The following LAMA5 variants were observed in gnomAD, a reference collection of about 807,000 sequenced individuals.
LAMA5 encodes the protein laminin subunit alpha 5.
LAMA5 carries 260 observed loss-of-function variants against 433.4 expected under a neutral mutation model. The ratio of observed to expected loss-of-function variants is 0.60; its 90% CI spans 0.54 to 0.66. The LOEUF (loss-of-function observed/expected upper bound fraction) is 0.66, where lower values mean the gene tolerates loss of function less well. Among genes scored for constraint, LAMA5 ranks in the 30% least tolerant of loss-of-function variants. The pLI is 0.00. For synonymous variants in LAMA5, 2,620 were observed against 2,226.6 expected, an observed-to-expected ratio of 1.18 and a Z score of -4.97; for missense variants, 5,378 against 5,258.5, an observed-to-expected ratio of 1.02 and a Z score of -0.70.
intron 2 of LAMA5, among the ~76,000 whole-genome samples, chr20:62,353,540 T>C (rs527311847): frequency 4.5e-4 from 69 of 152,258 alleles, no homozygotes; most frequent in African/African-American, 1.5e-3. Context: ...GAGTTTGGGG[T>C]TCCCCCATGG....
intron 18 of LAMA5, 118 bp from the exon 19 acceptor site, chr20:62,335,387 C>A: frequency 2.2e-6 from 2 of 914,510 alleles, no homozygotes; most frequent in South Asian, 1.6e-5. Context: ...GGCTCCAGCA[C>A]CCCCAGGAGC....
At chr20:62,320,100 C>T (rs980913365) in intron 50 of LAMA5, among the ~76,000 whole-genome samples, 2 of 151,998 alleles carry the variant, frequency 1.3e-5, no homozygotes, top group Non-Finnish European at 2.9e-5. Context: ...GGGCAGATCA[C>T]CTGAGGTCAG....
At chr20:62,351,377 A>C in intron 6 of LAMA5, 1 of 475,362 alleles carries the variant, frequency 2.1e-6, no homozygotes, top group Admixed American at 3.4e-5. Context: ...ACTCCCCTCC[A>C]CAGGGCCCCA....
chr20:62,313,180 T>TGATGCGGGCGAAGCC lies in LAMA5; in HGVS notation c.8848_8862dup (p.Gly2950_Ile2954dup). On this transcript the variant is annotated inframe_insertion, in exon 65 of 80. Transcript: ENST00000252999. Reference sequence around the variant, plus strand: ...GTGGTGCTGATCTGACTGTCGAAGCTGATGCGGGCGAAGCCGGTGCCGTCC... The same window carrying TGATGCGGGCGAAGCC: ...GTGGTGCTGATCTGACTGTCGAAGCTGATGCGGGCGAAGCCGATGCGGGCGAAGCCGGTGCCGTCC... 6.3e-7 allele frequency: 1 copy of TGATGCGGGCGAAGCC among 1,583,198 alleles called. No individual in the cohort carries two copies. Among genetic ancestry groups the TGATGCGGGCGAAGCC allele is most frequent in the Non-Finnish European group, 8.6e-7 (1 of 1,169,112 alleles).
At position 62,329,354 on chromosome 20, in the gene LAMA5, T is replaced by A. The variant is rs1046930615; in HGVS notation, c.4120-101A>T. 25 of 866,616 alleles carry A rather than the reference T, an allele frequency of 2.9e-5. No homozygotes were observed. In the South Asian group the frequency reaches 3.7e-4, roughly 13 times the overall value. The allele number at this position is 866,616 out of a possible 1,614,324, so 53.7% of individuals were successfully genotyped here. ...CCAGGGTCCTGCAGGCAGCTCAGAGTCCTGGCAGCAGCAGCCCAGCCCAGC... is the reference window on the plus strand; with the variant it reads ...CCAGGGTCCTGCAGGCAGCTCAGAGACCTGGCAGCAGCAGCCCAGCCCAGC... On this transcript the variant is annotated intron_variant, in intron 32 of 79. Coordinates refer to ENST00000252999, the MANE Select transcript of LAMA5 (RefSeq NM_005560.6).
rs868613483 is a variant in LAMA5 at position 62,332,364 on chromosome 20, G to A, written c.3552+8C>T. 1.3e-6 allele frequency: 2 copies of A among 1,593,906 alleles called. No homozygotes were observed. The highest frequency in any genetic ancestry group is 2.2e-5 in the East Asian group (1 of 44,770). ...ACCCCTTGGGGTGGGGACCTGAGGG[G>A]TCCTTACCAGGAAGAAGCGTGCCTG... On this transcript the variant is annotated splice_region_variant and intron_variant, in intron 28 of 79. Coordinates refer to ENST00000252999, the MANE Select transcript of LAMA5 (RefSeq NM_005560.6).
intron 28 of LAMA5, 146 bp downstream of exon 28, chr20:62,332,226 T>A: frequency 4.8e-6 from 3 of 620,810 alleles, no homozygotes; most frequent in Non-Finnish European, 8.6e-6. Context: ...CAGGAGGGGT[T>A]CCAGAAGAAA....
chr20:62,325,615 C>T (rs1029872336), intron 40 of LAMA5, 69 bp from the exon 41 acceptor site: 15 of 1,046,830 alleles, frequency 1.4e-5, no homozygotes, highest in Non-Finnish European at 2.0e-5. Flanking sequence ...CTAGAACAGA[C>T]CCCCCAACCC....
rs1214877193 is a variant in LAMA5, at chr20:62,325,454, G to A, written c.5391C>T (p.Ala1797=). The change falls in exon 41 of 80, where the codon GCC becomes GCT. Residue 1797 remains alanine, a synonymous_variant. Transcript: ENST00000252999. ...CAGCCGAGGAGATCTGTGAGAAGAG[G>A]GCACGGATCTGCAGCTGCTCCAGGC... The part of the protein sequence containing the change: ...LASLEQLQIR[A]LFSQISSAVF... The A allele has an allele frequency of 6.2e-7, 1 of 1,612,506 alleles. No homozygotes were observed.
chr20:62,352,343 G>A lies in LAMA5; in HGVS notation c.586C>T (p.Leu196=), dbSNP rs1984471956. 2.5e-6 allele frequency: 4 copies of A among 1,599,068 alleles called. No individual in the cohort carries two copies. The highest frequency in any genetic ancestry group is 2.7e-5 in the African/African-American group (2 of 74,930). Residue 196 remains leucine (L), a synonymous_variant, in exon 4 of 80, where the codon CTG becomes TTG. Transcript: ENST00000252999. ...AGCGTCTGTGGCCCGAACCGCTCCA[G>A]ACAGTCCCTCTTGGAGGCTGCGGGG... ...QFFASSKRDC[L]ERFGPQTLER... is the part of the protein sequence containing the mutation.
rs1986783927 is a variant in LAMA5 at position 62,314,961 on chromosome 20, G to A, written c.8048-14C>T. The stretch of plus-strand genomic sequence containing the variant: ...CCAGGGTGGACACTGCAGAGAGGGA[G>A]ACCTGAGACCTTTGCCCCCCACCGT... On this transcript the variant is annotated splice_polypyrimidine_tract_variant and intron_variant, in intron 59 of 79. Coordinates refer to ENST00000252999, the MANE Select transcript of LAMA5 (RefSeq NM_005560.6). 2 of 1,585,728 alleles carry A rather than the reference G, an allele frequency of 1.3e-6. No individual in the cohort carries two copies. The highest frequency in any genetic ancestry group is 1.1e-5 in the South Asian group (1 of 89,086).
chr20:62,359,645 CT>C lies in LAMA5; in HGVS notation c.450+2754del, dbSNP rs1313547710. On this transcript the variant is annotated intron_variant, in intron 2 of 79. Coordinates refer to ENST00000252999, the MANE Select transcript of LAMA5 (RefSeq NM_005560.6). The surrounding 1 kb of genome is among the most constrained non-coding windows in gnomAD (Gnocchi z 4.3). ...ACGTCTGGAACTCGGAAACTGCCCC[CT>C]GAGTCACCAGTGACCAGCGCTGGAG... Among the ~76,000 whole-genome samples, 2 of 151,978 alleles carry C rather than the reference CT, an allele frequency of 1.3e-5. No homozygotes were observed. Among genetic ancestry groups the C allele is most frequent in the Non-Finnish European group, 2.9e-5 (2 of 67,936 alleles).
rs11474754 is a variant in LAMA5 at position 62,343,774 on chromosome 20, C to CAAAAAA, written c.1477+2038_1477+2043dup. Among the ~76,000 whole-genome samples, 61 of 61,384 alleles carry CAAAAAA rather than the reference C, an allele frequency of 9.9e-4. 2 individuals carry two copies. The highest frequency in any genetic ancestry group is 2.6e-3 in the African/African-American group (53 of 20,094). The allele number at this position is 61,384 out of a possible 152,430, so 40.3% of individuals were successfully genotyped here. ...CTGGGCAACTAGAGTGAAACTCCATCAAAAAAAAAAAAAAGAAAGCACTCG... is the reference window on the plus strand; with the variant it reads ...CTGGGCAACTAGAGTGAAACTCCATCAAAAAAAAAAAAAAAAAAAAGAAAGCACTCG... On this transcript the variant is annotated intron_variant, in intron 11 of 79. Transcript: ENST00000252999.
At chr20:62,323,173 G>A (rs1176029972) in intron 45 of LAMA5, among the ~76,000 whole-genome samples, 1 of 151,700 alleles carries the variant, frequency 6.6e-6, no homozygotes, top group East Asian at 1.9e-4. Flanking sequence ...CCTGGTATGG[G>A]GAGGGTCTGA....
chr20:62,340,060 G>A (rs978412893), intron 11 of LAMA5, among the ~76,000 whole-genome samples: 4 of 152,160 alleles, frequency 2.6e-5, no homozygotes, highest in East Asian at 1.9e-4. Context: ...CAGCGGTAAC[G>A]AGACAGAGGG....
At chr20:62,354,810 C>T (rs1984921572) in intron 2 of LAMA5, among the ~76,000 whole-genome samples, 2 of 152,144 alleles carry the variant, frequency 1.3e-5, no homozygotes, top group Non-Finnish European at 1.5e-5. Context: ...GGCCCTGTCA[C>T]AAGCCTGGAG....
intron 40 of LAMA5, among the ~76,000 whole-genome samples, chr20:62,326,236 A>C (rs5842384): frequency 8.8e-4 from 90 of 101,910 alleles, no homozygotes; most frequent in South Asian, 1.6e-3. Context: ...AACAAACAAA[A>C]AAAAAAAAAC....
In LAMA5 at chr20:62,334,566, G is replaced by A. The variant is rs530986419; in HGVS notation, c.2538C>T (p.Gly846=). The change falls in exon 21 of 80, where the codon GGC becomes GGT. Residue 846 remains glycine (G), a synonymous_variant. Coordinates refer to ENST00000252999, the MANE Select transcript of LAMA5 (RefSeq NM_005560.6). ...GGGTGTTGGGGCGGCACCGGCAGACGCCCGTCCTCGGTTCACAGCTCTGGC... is the reference window on the plus strand; with the variant it reads ...GGGTGTTGGGGCGGCACCGGCAGACACCCGTCCTCGGTTCACAGCTCTGGC... ...ALGQSCEPRT[G]VCRCRPNTQG... 1.5e-5 allele frequency: 24 copies of A among 1,548,434 alleles called. No individual in the cohort carries two copies. The highest frequency in any genetic ancestry group is 1.7e-4 in the Middle Eastern group (1 of 5,860).
rs770887691 is a variant in LAMA5, at chr20:62,318,826, G to A, written c.7042+17C>T. ...CTGCCTCTCCCCACCCCGCCTGCCA[G>A]GGACAACACCACTCACATCTCTGTG... is the stretch of plus-strand genomic sequence containing the variant. On this transcript the variant is annotated intron_variant, in intron 52 of 79. Transcript: ENST00000252999. The A allele has an allele frequency of 8.1e-6, 13 of 1,609,190 alleles. No homozygotes were observed. The African/African-American group carries it at 9.4e-5, about 12-fold the overall frequency.
Sources: gnomAD v4.1 joint callset for allele counts (sites outside exome capture counted in the v4.1 genomes callset) on GRCh38, gnomAD v4.1.1 for gene constraint, Gnocchi (gnomAD v3.1) non-coding constraint, MANE v1.5 for transcripts, NCBI Gene and HGNC (gene_info 2026-07-23, HGNC 2026-07-21) for gene names.